The following TPM4 variants were observed in gnomAD, a reference collection of about 807,000 sequenced individuals.
The protein encoded by TPM4 is tropomyosin 4, also known as tropomyosin alpha-4 chain.
A neutral mutation model predicts 35.8 loss-of-function variants in TPM4; 17 were observed. The observed-to-expected ratio is 0.47, with a 90% CI of 0.32 to 0.71. The LOEUF (loss-of-function observed/expected upper bound fraction) is 0.71, where lower values mean the gene tolerates loss of function less well. Ranked by LOEUF, TPM4 falls within the 30% of genes least tolerant of loss-of-function variation. The probability of loss-of-function intolerance (pLI) is 0.03; values close to 1 mark genes in which losing one functional copy is unlikely to be tolerated. For missense variants in TPM4, 240 were observed against 320.9 expected (o/e 0.75, Z 1.93); for synonymous variants, 120 against 122.9 (o/e 0.98, Z 0.15).
chr19:16,076,200 C>T (rs1470005523), upstream of TPM4: 2 of 1,551,602 alleles, frequency 1.3e-6, no homozygotes, highest in African/African-American at 1.4e-5. Flanking sequence ...CGGGAGCCCG[C>T]GGCGGGGCCA....
intron 2 of TPM4, among the ~76,000 whole-genome samples, chr19:16,085,317 A>G (rs952350678): frequency 6.6e-6 from 1 of 152,094 alleles, no homozygotes; most frequent in South Asian, 2.1e-4. Context: ...GCAGTGGTGC[A>G]ATCACGACTC....
chr19:16,089,555 G>GGACACA (rs1016296017), intron 5 of TPM4, among the ~76,000 whole-genome samples: 4 of 152,070 alleles, frequency 2.6e-5, no homozygotes, highest in Admixed American at 2.6e-4. Flanking sequence ...CGGGAACAAA[G>GGACACA]GACACACTTC....
intron 7 of TPM4, chr19:16,095,824 C>T (rs1201186741): frequency 6.5e-6 from 1 of 153,384 alleles, no homozygotes; most frequent in Non-Finnish European, 1.4e-5. Context: ...CATCATAGTT[C>T]ACTGCAACCT....
upstream of TPM4, chr19:16,076,422 G>A (rs1007735679): frequency 1.6e-5 from 21 of 1,352,660 alleles, no homozygotes; most frequent in Non-Finnish European, 2.0e-5. Flanking sequence ...CCCGACGGCA[G>A]CCGGCCCGGG....
intron 7 of TPM4, chr19:16,095,399 C>A: frequency 9.7e-7 from 1 of 1,032,792 alleles, no homozygotes; most frequent in Non-Finnish European, 1.2e-6. Context: ...CTCCTACGCC[C>A]CTGTGGGCTT....
chr19:16,067,932 A>AC lies in TPM4; in HGVS notation c.114+197dup, dbSNP rs1347988474. On this transcript the variant is annotated intron_variant, in intron 2 of 2. Coordinates refer to the TPM4 transcript ENST00000589897. This position sits in a 1 kb window ranked among gnomAD's most constrained non-coding sequence, Gnocchi z 4.1. ...GGGCTGGAAGAGGGGTGACGATCGG[A>AC]CCCACCCCCAGCAGGGCCAGTGCGA... 3.7e-6 allele frequency: 2 copies of AC among 540,408 alleles called. No individual in the cohort carries two copies. Among genetic ancestry groups the AC allele is most frequent in the African/African-American group, 4.0e-5 (2 of 50,300 alleles). 33.5% of individuals were successfully genotyped at this position (540,408 alleles called of 1,614,324 possible). A position where few individuals can be genotyped will look rare whatever the true frequency, so the allele number is the denominator to read the frequency against.
upstream of TPM4, chr19:16,075,889 C>A (rs775423706): frequency 5.6e-5 from 57 of 1,018,484 alleles, no homozygotes; most frequent in Middle Eastern, 9.8e-4. Flanking sequence ...GCATGGATGG[C>A]GTGGTGCATG....
At chr19:16,084,850 A>G (rs1158114061) in intron 2 of TPM4, among the ~76,000 whole-genome samples, 1 of 152,166 alleles carries the variant, frequency 6.6e-6, no homozygotes, top group Non-Finnish European at 1.5e-5. Flanking sequence ...ACGTGAACAT[A>G]TTTATTGGAC....
intron 2 of TPM4, 41 bp from the exon 3 acceptor site, chr19:16,086,382 G>A (rs774500551): frequency 2.6e-6 from 4 of 1,535,686 alleles, no homozygotes; most frequent in Non-Finnish European, 2.7e-6. Context: ...GGGTGGAGGG[G>A]TGTGAGTGAA....
intron 4 of TPM4, chr19:16,088,661 C>T (rs2090589020): frequency 1.5e-5 from 16 of 1,042,898 alleles, no homozygotes; most frequent in Middle Eastern, 4.8e-4. Flanking sequence ...GCTTCCTTCC[C>T]GGAGTGTCCC....
At chr19:16,086,750 T>C (rs899650714) in intron 3 of TPM4, among the ~76,000 whole-genome samples, 2 of 152,094 alleles carry the variant, frequency 1.3e-5, no homozygotes, top group Non-Finnish European at 2.9e-5. Context: ...TCTAACGTAA[T>C]GGGAAAACCG....
chr19:16,085,246 C>G (rs1291977819), intron 2 of TPM4, among the ~76,000 whole-genome samples: 1 of 151,958 alleles, frequency 6.6e-6, no homozygotes, highest in African/African-American at 2.4e-5. Context: ...GAGTGAGAAC[C>G]TGTCTCAAGA....
At chr19:16,079,992 G>A (rs3826723) in intron 1 of TPM4, 74,709 of 180,750 alleles carry the variant, frequency 0.41, 16,070 homozygotes, top group East Asian at 0.73. Flanking sequence ...GTGAGCCACC[G>A]CGCCCGGCCT....
chr19:16,088,017 G>A lies in TPM4; in HGVS notation c.385-10G>A. The A allele has an allele frequency of 1.2e-6, 2 of 1,608,360 alleles. No homozygotes were observed. The highest frequency in any genetic ancestry group is 1.1e-5 in the South Asian group (1 of 89,656). ...GGATCGGGCTCAGCTGGGCCTTTCT[G>A]TCTCTGCAGGTAGCTCGTAAGCTGG... On this transcript the variant is annotated splice_polypyrimidine_tract_variant and intron_variant, in intron 3 of 7. Coordinates refer to ENST00000643579, the MANE Select transcript of TPM4 (RefSeq NM_003290.3).
intron 2 of TPM4, among the ~76,000 whole-genome samples, chr19:16,069,742 TGGG>T (rs374621814): frequency 4.1e-5 from 6 of 145,230 alleles, no homozygotes; most frequent in South Asian, 4.4e-4. Context: ...GTGTTTCTAT[TGGG>T]GGGTGTGTGC....
chr19:16,076,613 C>G lies in TPM4; in HGVS notation c.48C>G (p.Ala16=). 6.8e-7 allele frequency: 1 copy of G among 1,464,358 alleles called. No homozygotes were observed. The highest frequency in any genetic ancestry group is 3.0e-5 in the East Asian group (1 of 32,976). The allele number at this position is 1,464,358 out of a possible 1,614,324, so 90.7% of individuals were successfully genotyped here. Residue 16 remains alanine, a synonymous_variant, in exon 1 of 8, where the codon GCC becomes GCG. Coordinates refer to ENST00000643579, the MANE Select transcript of TPM4 (RefSeq NM_003290.3). The part of the protein sequence containing the change: ...SLEAVKRKIQ[A]LQQQADEAED... ...AGGCGGTGAAACGCAAGATCCAGGC[C>G]CTGCAGCAGCAGGCGGACGAGGCGG...
intron 5 of TPM4, among the ~76,000 whole-genome samples, chr19:16,090,051 G>A (rs954014635): frequency 1.6e-4 from 25 of 151,834 alleles, no homozygotes; most frequent in Non-Finnish European, 3.2e-4. Context: ...GGCTGGTCTC[G>A]AACTCCTGAT....
chr19:16,094,226 A>AAAT (rs1220915999), intron 7 of TPM4, among the ~76,000 whole-genome samples: 2 of 152,122 alleles, frequency 1.3e-5, no homozygotes, highest in African/African-American at 4.8e-5. Flanking sequence ...GATTAAAAAA[A>AAAT]TATTAATAAT....
upstream of TPM4, chr19:16,075,825 A>G (rs746064757): frequency 8.8e-5 from 57 of 651,204 alleles, no homozygotes; most frequent in Admixed American, 1.8e-4. Flanking sequence ...CAATAAGCCC[A>G]AAACAGCTGG....
Sources: gnomAD v4.1 joint callset for allele counts (sites outside exome capture counted in the v4.1 genomes callset) on GRCh38, gnomAD v4.1.1 for gene constraint, Gnocchi (gnomAD v3.1) non-coding constraint, MANE v1.5 for transcripts, NCBI Gene and HGNC (gene_info 2026-07-23, HGNC 2026-07-21) for gene names.